ACSM2B: variants seen among roughly 807,000 people sequenced by gnomAD.
ACSM2B encodes the protein acyl-CoA synthetase medium chain family member 2B, also known as acyl-coenzyme A synthetase ACSM2B, mitochondrial.
Under a neutral mutation model 78.6 loss-of-function variants are expected in ACSM2B, and 58 were observed. The ratio of observed to expected loss-of-function variants is 0.74; its 90% CI spans 0.60 to 0.92. The LOEUF is 0.92. Among genes scored for constraint, ACSM2B ranks in the 40% least tolerant of loss-of-function variants. The pLI is 0.00. For missense variants in ACSM2B, 688 were observed against 711.2 expected, an observed-to-expected ratio of 0.97 and a Z score of 0.37; for synonymous variants, 257 against 256.8, an observed-to-expected ratio of 1.00 and a Z score of -0.01.
chr16:20,559,689 T>C lies in ACSM2B; in HGVS notation c.178-242A>G, dbSNP rs571004274. 8.7e-5 allele frequency among the ~76,000 whole-genome samples: 13 copies of C among 150,168 alleles called. No homozygotes were observed. The East Asian group carries it at 2.5e-3, about 29-fold the overall frequency. On this transcript the variant is annotated intron_variant, in intron 2 of 13. Coordinates refer to ENST00000329697, the MANE Select transcript of ACSM2B (RefSeq NM_001105069.2). ...GTAAATGTATGCTTTTAGAAATAACTGTAATAAACCCATTATATATTAGCA... is the reference window on the plus strand; with the variant it reads ...GTAAATGTATGCTTTTAGAAATAACCGTAATAAACCCATTATATATTAGCA...
chr16:20,554,176 A>G (rs754112510), intron 4 of ACSM2B: 57 of 636,672 alleles, frequency 9.0e-5, no homozygotes, highest in Non-Finnish European at 1.4e-4. Flanking sequence ...CTCACTTTAT[A>G]TCTGCAAAAA....
At position 20,553,720 on chromosome 16, in the gene ACSM2B, G is replaced by GA; in HGVS notation, c.740+56dup. 3.8e-6 allele frequency: 6 copies of GA among 1,582,226 alleles called. No homozygotes were observed. The South Asian group carries it at 5.7e-5, about 15-fold the overall frequency. On this transcript the variant is annotated intron_variant, in intron 5 of 13. Coordinates refer to ENST00000329697, the MANE Select transcript of ACSM2B (RefSeq NM_001105069.2). ...CCCAGGAGCATTGGATTTGAACTCAGAAACGTCTTCATGCCTGGTCATGCA... is the reference window on the plus strand; with the variant it reads ...CCCAGGAGCATTGGATTTGAACTCAGAAAACGTCTTCATGCCTGGTCATGCA...
In ACSM2B at chr16:20,548,333, T is replaced by C. The variant is rs1029734257; in HGVS notation, c.974+61A>G. 6 of 1,608,454 alleles carry C rather than the reference T, an allele frequency of 3.7e-6. No homozygotes were observed. In the African/African-American group the frequency reaches 8.0e-5, roughly 22 times the overall value. ...AGATTCAGATAGATAGGCATGAATGTATGTGAGGGAGTCAGGGGGATGGGG... is the reference window on the plus strand; with the variant it reads ...AGATTCAGATAGATAGGCATGAATGCATGTGAGGGAGTCAGGGGGATGGGG... On this transcript the variant is annotated intron_variant, in intron 7 of 13. Coordinates refer to ENST00000329697, the MANE Select transcript of ACSM2B (RefSeq NM_001105069.2).
intron 1 of ACSM2B, among the ~76,000 whole-genome samples, chr16:20,567,687 CCTAAGTGGTGAGAG>C (rs2015967298): frequency 7.4e-6 from 1 of 135,824 alleles, no homozygotes; most frequent in Admixed American, 8.2e-5. Context: ...TATATCTAGA[CCTAAGTGGTGAGAG>C]TAAGCATTCA....
At chr16:20,556,506 G>A (rs746539292) in intron 3 of ACSM2B, among the ~76,000 whole-genome samples, 4 of 152,218 alleles carry the variant, frequency 2.6e-5, no homozygotes, top group Non-Finnish European at 5.9e-5. Flanking sequence ...GGAGGCTGAC[G>A]CAGGAGGATT....
chr16:20,573,222 A>C (rs1303407439), intron 1 of ACSM2B, among the ~76,000 whole-genome samples: 1 of 151,806 alleles, frequency 6.6e-6, no homozygotes, highest in African/African-American at 2.4e-5. Flanking sequence ...TCTGGGGCTC[A>C]AGGCTACTGT....
chr16:20,543,449 A>C (rs541866883), intron 10 of ACSM2B, among the ~76,000 whole-genome samples, 187 bp from the exon 11 acceptor site: 1 of 152,312 alleles, frequency 6.6e-6, no homozygotes, highest in South Asian at 2.1e-4. Flanking sequence ...TTTCCCATTT[A>C]TTGAAGTTAT....
intron 1 of ACSM2B, chr16:20,574,080 A>T (rs2016175871): frequency 6.6e-6 from 1 of 152,124 alleles, no homozygotes; most frequent in African/African-American, 2.4e-5. Context: ...CATAAGACAA[A>T]CACTCCCAGA....
At chr16:20,570,298 T>G (rs2016057522) in intron 1 of ACSM2B, among the ~76,000 whole-genome samples, 1 of 152,012 alleles carries the variant, frequency 6.6e-6, no homozygotes, top group African/African-American at 2.4e-5. Flanking sequence ...CAAATGCTTT[T>G]TCTACATCTA....
At chr16:20,564,546 G>A in intron 2 of ACSM2B, 123 bp downstream of exon 2, 3 of 1,477,638 alleles carry the variant, frequency 2.0e-6, no homozygotes, top group Non-Finnish European at 2.7e-6. Flanking sequence ...TGAGTGTCTT[G>A]TCCATAGCTT....
chr16:20,547,435 A>G, intron 8 of ACSM2B: 1 of 984,638 alleles, frequency 1.0e-6, no homozygotes, highest in Non-Finnish European at 1.2e-6. Context: ...GGAGAGGAAG[A>G]GGCAAGAAGT....
chr16:20,556,108 A>G (rs911041813), intron 3 of ACSM2B, among the ~76,000 whole-genome samples: 61 of 151,922 alleles, frequency 4.0e-4, no homozygotes, highest in African/African-American at 1.4e-3. Context: ...TGATGAGAAC[A>G]TTAGAAAGTT....
At chr16:20,566,302 T>C (rs1322239607) in intron 1 of ACSM2B, among the ~76,000 whole-genome samples, 2 of 135,290 alleles carry the variant, frequency 1.5e-5, no homozygotes, top group Non-Finnish European at 3.2e-5. Context: ...TATATAGATA[T>C]ATAAATATAT....
chr16:20,566,985 A>T (rs1361535760), intron 1 of ACSM2B, among the ~76,000 whole-genome samples: 1 of 122,132 alleles, frequency 8.2e-6, no homozygotes, highest in East Asian at 2.2e-4. Context: ...ATATACTGTT[A>T]TATATTATAT....
chr16:20,554,180 G>A, intron 4 of ACSM2B: 1 of 622,254 alleles, frequency 1.6e-6, no homozygotes, highest in Non-Finnish European at 2.9e-6. Context: ...CTTTATATCT[G>A]CAAAAAAGTG....
intron 12 of ACSM2B, chr16:20,541,227 T>A (rs1191696586): frequency 6.1e-6 from 1 of 163,524 alleles, no homozygotes; most frequent in South Asian, 1.7e-4. Flanking sequence ...CAGGGTTTTC[T>A]CAGCAGGGGA....
chr16:20,539,265 C>A (rs1258041866), intron 13 of ACSM2B, among the ~76,000 whole-genome samples: 5 of 101,596 alleles, frequency 4.9e-5, no homozygotes, highest in Non-Finnish European at 8.7e-5. Flanking sequence ...TAACCTCTTT[C>A]CCCATGGCCT....
chr16:20,546,051 TC>T (rs1356052798), intron 9 of ACSM2B, among the ~76,000 whole-genome samples: 1 of 152,220 alleles, frequency 6.6e-6, no homozygotes, highest in Non-Finnish European at 1.5e-5. Context: ...ACTGAAAAGA[TC>T]GTTACCTATA....
At chr16:20,566,247 TTATATATATATATATATATATATA>T (rs200052689) in intron 1 of ACSM2B, among the ~76,000 whole-genome samples, 48 of 69,968 alleles carry the variant, frequency 6.9e-4, no homozygotes, top group Middle Eastern at 9.8e-3. Context: ...TCATGGAAGA[TTATATATATATATATATATATATA>T]TATATATATA....
Sources: allele counts gnomAD v4.1 joint callset (sites outside exome capture counted in the v4.1 genomes callset), GRCh38; gene constraint gnomAD v4.1.1; transcripts MANE v1.5; gene names NCBI Gene and HGNC (gene_info 2026-07-23, HGNC 2026-07-21).